The following CPS1 variants were observed in gnomAD, a reference collection of about 807,000 sequenced individuals.
CPS1 encodes carbamoyl-phosphate synthase [ammonia], mitochondrial.
Under a neutral mutation model 174.6 loss-of-function variants are expected in CPS1, and 109 were observed. That is an observed-to-expected ratio of 0.62 (90% confidence interval 0.53 to 0.73). The LOEUF is 0.73. CPS1 is among the 30% of genes least tolerant of loss of function. The probability of loss-of-function intolerance (pLI) is 0.00; values close to 1 mark genes in which losing one functional copy is unlikely to be tolerated. For synonymous variants in CPS1, 637 were observed against 632.0 expected (o/e 1.01, Z -0.12); for missense variants, 1,689 against 1,821.9 (o/e 0.93, Z 1.33).
chr2:210,525,846 GGAA>G (rs918510817), intron 1 of CPS1, among the ~76,000 whole-genome samples: 26 of 150,936 alleles, frequency 1.7e-4, no homozygotes, highest in Admixed American at 2.7e-4. Context: ...AAAGAGAGGA[GGAA>G]GGAGAAGAAG....
chr2:210,653,873 AG>A, intron 28 of CPS1, 151 bp from the exon 29 acceptor site: 1 of 685,502 alleles, frequency 1.5e-6, no homozygotes, highest in Non-Finnish European at 2.7e-6. Flanking sequence ...CTTACAGCAC[AG>A]ATTAGGTAAT....
chr2:210,554,401 C>T (rs192390150), upstream of CPS1, among the ~76,000 whole-genome samples: 31 of 151,734 alleles, frequency 2.0e-4, no homozygotes, highest in East Asian at 5.3e-3. Flanking sequence ...GAATTCTATC[C>T]TAGAATTGTT....
chr2:210,579,488 A>G (rs992627824), intron 4 of CPS1, among the ~76,000 whole-genome samples: 9 of 152,112 alleles, frequency 5.9e-5, no homozygotes, highest in Non-Finnish European at 1.0e-4. Flanking sequence ...AGAATTTCTC[A>G]TTTTTTTACT....
intron 7 of CPS1, among the ~76,000 whole-genome samples, chr2:210,588,839 T>G (rs529743733): frequency 1.4e-4 from 21 of 152,126 alleles, no homozygotes; most frequent in Non-Finnish European, 2.4e-4. Flanking sequence ...ATTCAAATCA[T>G]GATTTCAAAT....
chr2:210,506,699 A>G lies in CPS1; in HGVS notation c.3+28933A>G, dbSNP rs544571733. Among the ~76,000 whole-genome samples, 7 of 152,380 alleles carry G rather than the reference A, an allele frequency of 4.6e-5. No homozygotes were observed. In the East Asian group the frequency reaches 1.3e-3, roughly 29 times the overall value. ...GTCCTTAAAGGACCTGATGGAGCTG[A>G]AAACCAAGGCACGAGAACTACGTGA... is the stretch of plus-strand genomic sequence containing the variant. On this transcript the variant is annotated intron_variant, in intron 1 of 38. Coordinates refer to the CPS1 transcript ENST00000430249.
At chr2:210,557,295 T>C (rs1429726787) in intron 1 of CPS1, among the ~76,000 whole-genome samples, 1 of 152,130 alleles carries the variant, frequency 6.6e-6, no homozygotes, top group Non-Finnish European at 1.5e-5. Flanking sequence ...TGAAATATCA[T>C]TTAAACATTT....
chr2:210,483,169 A>G (rs1375768907), intron 1 of CPS1, among the ~76,000 whole-genome samples: 1 of 152,086 alleles, frequency 6.6e-6, no homozygotes, highest in African/African-American at 2.4e-5. Context: ...TAAGCAAAGT[A>G]ACGCTGAGGG....
At chr2:210,562,635 G>A (rs1271055817) in intron 1 of CPS1, among the ~76,000 whole-genome samples, 1 of 151,968 alleles carries the variant, frequency 6.6e-6, no homozygotes, top group Admixed American at 6.6e-5. Flanking sequence ...TTTTTAAGAG[G>A]ATGAGTACTG....
chr2:210,677,167 T>C (rs1471219198), intron 37 of CPS1, 31 bp downstream of exon 37: 2 of 1,609,260 alleles, frequency 1.2e-6, no homozygotes, highest in Admixed American at 1.7e-5. Flanking sequence ...ATAGACTGGA[T>C]GGGAGTTTTA....
chr2:210,484,053 A>G (rs1160592576), intron 1 of CPS1, among the ~76,000 whole-genome samples: 2 of 152,208 alleles, frequency 1.3e-5, no homozygotes, highest in East Asian at 3.8e-4. Context: ...ACAAATGACT[A>G]CAATGTGCAT....
At chr2:210,478,924 C>T (rs1259387461) in intron 1 of CPS1, among the ~76,000 whole-genome samples, 1 of 38,314 alleles carries the variant, frequency 2.6e-5, no homozygotes, top group Admixed American at 4.3e-4. Flanking sequence ...CCCCCCTCCC[C>T]CCTTCCCCCC....
intron 21 of CPS1, chr2:210,618,206 C>G (rs1391422417): frequency 1.3e-5 from 2 of 152,036 alleles, no homozygotes; most frequent in African/African-American, 4.8e-5. Context: ...CTTCCACATT[C>G]TGTTGCATTT....
chr2:210,631,318 C>T (rs945911260), intron 21 of CPS1: 1 of 152,060 alleles, frequency 6.6e-6, no homozygotes, highest in Non-Finnish European at 1.5e-5. Flanking sequence ...GGAATTTATT[C>T]CATTTCCTTT....
chr2:210,675,603 T>C (rs1255979951), intron 35 of CPS1, 125 bp from the exon 36 acceptor site: 9 of 712,420 alleles, frequency 1.3e-5, no homozygotes, highest in Non-Finnish European at 2.6e-6. Context: ...TCCAAGTCTC[T>C]ATCCATGGCA....
chr2:210,580,011 T>A (rs766365256), intron 5 of CPS1, among the ~76,000 whole-genome samples: 3 of 152,158 alleles, frequency 2.0e-5, no homozygotes, highest in Non-Finnish European at 4.4e-5. Flanking sequence ...CCTGGCAGCT[T>A]ATTGAGTGCC....
At position 210,576,776 on chromosome 2, in the gene CPS1, G is replaced by GGAA. The variant is rs918944905; in HGVS notation, c.381+290_381+292dup. Among the ~76,000 whole-genome samples, 51 of 152,092 alleles carry GGAA rather than the reference G, an allele frequency of 3.4e-4. No individual in the cohort carries two copies. The South Asian group carries it at 7.5e-3, about 22-fold the overall frequency. On this transcript the variant is annotated intron_variant, in intron 3 of 37. Coordinates refer to ENST00000233072, the MANE Select transcript of CPS1 (RefSeq NM_001875.5). ...AACAACTATGCTATAAAAGGATTGG[G>GGAA]GAAGAATCACCTTTTAAAAGGAATT...
chr2:210,554,874 G>C (rs115890340), upstream of CPS1, among the ~76,000 whole-genome samples: 3,158 of 136,800 alleles, frequency 0.023, 96 homozygotes, highest in African/African-American at 0.077. Context: ...CACATAAAAA[G>C]ACAAGAGGTG....
intron 21 of CPS1, among the ~76,000 whole-genome samples, chr2:210,624,664 T>G (rs528828646): frequency 1.3e-5 from 2 of 152,222 alleles, no homozygotes; most frequent in African/African-American, 2.4e-5. Flanking sequence ...ATATAAAATT[T>G]TACATCAAAT....
intron 1 of CPS1, among the ~76,000 whole-genome samples, chr2:210,491,307 GTTTTTTTT>G (rs66825517): frequency 2.0e-4 from 10 of 50,334 alleles, no homozygotes; most frequent in African/African-American, 1.0e-3. Flanking sequence ...TGGTATCTGT[GTTTTTTTT>G]TTTTTTTTTT....
Sources: allele counts gnomAD v4.1 joint callset (sites outside exome capture counted in the v4.1 genomes callset), GRCh38; gene constraint gnomAD v4.1.1; transcripts MANE v1.5; gene names NCBI Gene and HGNC (gene_info 2026-07-23, HGNC 2026-07-21).